The following MYO18A variants were observed in gnomAD, a reference collection of about 807,000 sequenced individuals.
MYO18A encodes unconventional myosin-XVIIIa.
MYO18A carries 78 observed loss-of-function variants against 235.8 expected under a neutral mutation model. The observed-to-expected ratio is 0.33, with a 90% CI of 0.28 to 0.40. The LOEUF (loss-of-function observed/expected upper bound fraction) is 0.40, where lower values mean the gene tolerates loss of function less well. MYO18A is among the 10% of genes least tolerant of loss of function. MYO18A has a pLI of 1.00. For missense variants in MYO18A, 2,215 were observed against 2,699.3 expected (o/e 0.82, Z 3.98); for synonymous variants, 977 against 1,077.8 (o/e 0.91, Z 1.83).
rs757056651 is a variant in MYO18A, at chr17:29,097,333, T to G, written c.4120A>C (p.Lys1374Gln). The G allele has an allele frequency of 9.3e-6, 15 of 1,608,540 alleles. No individual in the cohort carries two copies. In the South Asian group the frequency reaches 1.5e-4, roughly 16 times the overall value. The part of the protein sequence containing the change: ...DDDAGGEWRL[K>Q]YERAVREVDF... ...ACCTCCCGCACAGCCCGCTCATACT[T>G]CAGCCGCCACTCGCCACCTGTGGGG... Residue 1374 changes from lysine (K) to glutamine (Q), a missense_variant, in exon 27 of 42, where the codon AAG becomes CAG. Coordinates refer to ENST00000527372, the MANE Select transcript of MYO18A (RefSeq NM_078471.4).
At chr17:29,077,024 G>C (rs2152707510) in intron 41 of MYO18A, 1 of 152,372 alleles carries the variant, frequency 6.6e-6, no homozygotes, top group African/African-American at 2.4e-5. Flanking sequence ...CCACATTCCT[G>C]TACCTGCTAG....
At chr17:29,160,036 C>T (rs1292738524) in intron 2 of MYO18A, among the ~76,000 whole-genome samples, 1 of 152,182 alleles carries the variant, frequency 6.6e-6, no homozygotes, top group Non-Finnish European at 1.5e-5. Flanking sequence ...TGGGTGAACA[C>T]TAGGATGGAT....
Position 29,121,599 on chromosome 17 carries a change from G to A in MYO18A, c.1319C>T (p.Pro440Leu), listed in dbSNP as rs1454155943. ...GASLLHTYAG[P>L]SLLVLGPRGA... ...ACGGGGGCCAAGAACCAGCAGGCTG[G>A]GGCCAGCATACGTGTGCAGCAGGCT... The change falls in exon 5 of 42, where the codon CCC becomes CTC. Residue 440 changes from proline to leucine, a missense_variant. By Grantham distance (98) the Pro-to-Leu change is moderately conservative. Transcript: ENST00000527372. This position sits in a 1 kb window ranked among gnomAD's most constrained non-coding sequence, Gnocchi z 4.2. 2 of 1,599,964 alleles carry A rather than the reference G, an allele frequency of 1.3e-6. No homozygotes were observed. Among genetic ancestry groups the A allele is most frequent in the Non-Finnish European group, 1.7e-6 (2 of 1,173,870 alleles).
chr17:29,154,577 C>T (rs1300454449), intron 2 of MYO18A, among the ~76,000 whole-genome samples: 4 of 152,198 alleles, frequency 2.6e-5, no homozygotes, highest in African/African-American at 7.2e-5. Flanking sequence ...AGGCAGGGGG[C>T]CCAGTTTCCC....
intron 2 of MYO18A, among the ~76,000 whole-genome samples, chr17:29,144,580 C>T (rs7210510): frequency 0.41 from 62,663 of 152,122 alleles, 14,038 homozygotes; most frequent in East Asian, 0.59. Context: ...GAGTTTCTAC[C>T]TTTTTGGCCT....
chr17:29,126,090 C>A lies in MYO18A; in HGVS notation c.1000-3837G>T. The stretch of plus-strand genomic sequence containing the variant: ...GGGAGCAGCGCCAGGGAGCAAGCCG[C>A]GCGGCAATCTGAGTTTTTAAACCAT... On this transcript the variant is annotated intron_variant, in intron 2 of 41. Transcript: ENST00000527372. The surrounding 1 kb of genome is among the most constrained non-coding windows in gnomAD (Gnocchi z 4.1). 3.3e-6 allele frequency: 1 copy of A among 301,616 alleles called. No homozygotes were observed. Among genetic ancestry groups the A allele is most frequent in the Non-Finnish European group, 4.9e-6 (1 of 204,070 alleles). The allele number at this position is 301,616 out of a possible 1,614,324, so 18.7% of individuals were successfully genotyped here.
Position 29,106,991 on chromosome 17 carries a change from T to C in MYO18A, c.3441+89A>G. The C allele has an allele frequency of 2.3e-6, 3 of 1,293,838 alleles. No individual in the cohort carries two copies. The highest frequency in any genetic ancestry group is 3.3e-6 in the Non-Finnish European group (3 of 895,652). 80.1% of individuals were successfully genotyped at this position (1,293,838 alleles called of 1,614,324 possible). ...CCTGAGCAGGGCCAGATGAGCTGTC[T>C]CCAGGGAAGGGAAGGCAGATGAGTC... On this transcript the variant is annotated intron_variant, in intron 20 of 41. Coordinates refer to ENST00000527372, the MANE Select transcript of MYO18A (RefSeq NM_078471.4). The surrounding 1 kb of genome is among the most constrained non-coding windows in gnomAD (Gnocchi z 4.6).
chr17:29,103,756 T>G (rs1186615851), intron 20 of MYO18A, 92 bp from the exon 21 acceptor site: 2 of 1,221,068 alleles, frequency 1.6e-6, no homozygotes, highest in Non-Finnish European at 2.4e-6. Flanking sequence ...CCCTCCCTCC[T>G]CCTAGACAGT....
chr17:29,109,737 G>A lies in MYO18A; in HGVS notation c.3331+121C>T. 2 of 1,269,458 alleles carry A rather than the reference G, an allele frequency of 1.6e-6. No homozygotes were observed. Among genetic ancestry groups the A allele is most frequent in the Non-Finnish European group, 2.2e-6 (2 of 916,726 alleles). The allele number at this position is 1,269,458 out of a possible 1,614,324, so 78.6% of individuals were successfully genotyped here. On this transcript the variant is annotated intron_variant, in intron 19 of 41. Coordinates refer to ENST00000527372, the MANE Select transcript of MYO18A (RefSeq NM_078471.4). The surrounding 1 kb of genome is among the most constrained non-coding windows in gnomAD (Gnocchi z 4.1). The stretch of plus-strand genomic sequence containing the variant: ...AGATGAGGAGAGACCAGAGCAGAAA[G>A]GATCGTGAGGAAAGACAGGAGCAGC...
At chr17:29,088,589 G>A (rs16964783) in intron 37 of MYO18A, among the ~76,000 whole-genome samples, 26,624 of 152,100 alleles carry the variant, frequency 0.18, 2,803 homozygotes, top group East Asian at 0.55. Context: ...AGGGAGAACC[G>A]ACGGTGTGGA....
At chr17:29,159,757 G>A (rs1225332227) in intron 2 of MYO18A, among the ~76,000 whole-genome samples, 1 of 152,174 alleles carries the variant, frequency 6.6e-6, no homozygotes, top group East Asian at 1.9e-4. Flanking sequence ...AGGTTGATGA[G>A]GCTCATACAG....
chr17:29,080,760 G>T, intron 41 of MYO18A: 6 of 985,574 alleles, frequency 6.1e-6, no homozygotes, highest in Non-Finnish European at 7.2e-6. Flanking sequence ...CCGAGCGGAC[G>T]GAGCCGCACT....
chr17:29,076,681 T>G (rs1047775295), intron 41 of MYO18A: 1 of 152,214 alleles, frequency 6.6e-6, no homozygotes, highest in African/African-American at 2.4e-5. Context: ...CTGATGACTA[T>G]GCAATATAGA....
At chr17:29,137,711 A>G (rs1334219440) in intron 2 of MYO18A, among the ~76,000 whole-genome samples, 3 of 152,220 alleles carry the variant, frequency 2.0e-5, no homozygotes, top group African/African-American at 7.2e-5. Flanking sequence ...TTGTATTGCC[A>G]TTTAAACTGA....
rs576735776 is a variant in MYO18A, at chr17:29,166,047, C to T, written c.894G>A (p.Gln298=). Residue 298 remains glutamine (Q), a synonymous_variant, in exon 2 of 42, where the codon CAG becomes CAA. Transcript: ENST00000527372. ...SRDEIVEMIR[Q]SGDSVRLKVQ... is the part of the protein sequence containing the mutation. ...CCTTGAGCCGCACGCTGTCCCCTGACTGCCGGATCATCTCCACAATCTCAT... is the reference window on the plus strand; with the variant it reads ...CCTTGAGCCGCACGCTGTCCCCTGATTGCCGGATCATCTCCACAATCTCAT... 1.9e-6 allele frequency: 3 copies of T among 1,613,770 alleles called. No individual in the cohort carries two copies. The South Asian group carries it at 3.3e-5, about 18-fold the overall frequency.
Position 29,126,047 on chromosome 17 carries a change from T to C in MYO18A, c.1000-3794A>G. 1 of 800,074 alleles carries C rather than the reference T, an allele frequency of 1.2e-6. No individual in the cohort carries two copies. Among genetic ancestry groups the C allele is most frequent in the Non-Finnish European group, 1.5e-6 (1 of 660,152 alleles). 49.6% of individuals were successfully genotyped at this position (800,074 alleles called of 1,614,324 possible). On this transcript the variant is annotated intron_variant, in intron 2 of 41. Coordinates refer to ENST00000527372, the MANE Select transcript of MYO18A (RefSeq NM_078471.4). The surrounding 1 kb of genome is among the most constrained non-coding windows in gnomAD (Gnocchi z 4.1). ...CGGAGCTCCCAGCCCAGGAAGCCAC[T>C]GGGACCCACTAGGGAAGGGGAGCAG...
chr17:29,092,994 C>T lies in MYO18A; in HGVS notation c.4934G>A (p.Arg1645Gln), dbSNP rs371450769. ...KLATLSDQVN[R>Q]RDFESEKRLR... ...CCGCTTCTCTGACTCAAAGTCCCGC[C>T]GGTTCACCTGGGTGGGCACCAGCAG... The change falls in exon 33 of 42, where the codon CGG (arginine) becomes CAG (glutamine). Residue 1645 changes from arginine to glutamine, a missense_variant. Transcript: ENST00000527372. 3.2e-5 allele frequency: 51 copies of T among 1,612,896 alleles called. No individual in the cohort carries two copies. Among genetic ancestry groups the T allele is most frequent in the African/African-American group, 8.0e-5 (6 of 74,864 alleles).
rs1162970961 is a variant in MYO18A at position 29,106,254 on chromosome 17, G to A, written c.3441+826C>T. On this transcript the variant is annotated intron_variant, in intron 20 of 41. Transcript: ENST00000527372. This position sits in a 1 kb window ranked among gnomAD's most constrained non-coding sequence, Gnocchi z 4.6. Reference sequence around the variant, plus strand: ...GGCCTGTGAGAAGGGGGCGTGGGACGGGCATCTATGTCCACATGAGGTTGC... The same window carrying A: ...GGCCTGTGAGAAGGGGGCGTGGGACAGGCATCTATGTCCACATGAGGTTGC... Among the ~76,000 whole-genome samples the A allele has an allele frequency of 2.6e-5, 4 of 152,134 alleles. No homozygotes were observed. Among genetic ancestry groups the A allele is most frequent in the Non-Finnish European group, 5.9e-5 (4 of 68,012 alleles).
In MYO18A at chr17:29,124,620, G is replaced by A. The variant is rs529313570; in HGVS notation, c.1000-2367C>T. 1.2e-5 allele frequency: 15 copies of A among 1,267,492 alleles called. No homozygotes were observed. In the African/African-American group the frequency reaches 1.4e-4, roughly 12 times the overall value. The allele number at this position is 1,267,492 out of a possible 1,614,324, so 78.5% of individuals were successfully genotyped here. A position where few individuals can be genotyped will look rare whatever the true frequency, so the allele number is the denominator to read the frequency against. Reference sequence around the variant, plus strand: ...GGGCTAGGTGGTCACTGGAGGGAGCGGAGGGCTCCTGAGTGGGGGGAGAGC... The same window carrying A: ...GGGCTAGGTGGTCACTGGAGGGAGCAGAGGGCTCCTGAGTGGGGGGAGAGC... On this transcript the variant is annotated intron_variant, in intron 2 of 41. Transcript: ENST00000527372.
Sources: allele counts gnomAD v4.1 joint callset (sites outside exome capture counted in the v4.1 genomes callset), GRCh38; gene constraint gnomAD v4.1.1; non-coding constraint Gnocchi (gnomAD v3.1); transcripts MANE v1.5; gene names NCBI Gene and HGNC (gene_info 2026-07-23, HGNC 2026-07-21).